Variants in PRKCE observed in about 807,000 individuals in gnomAD.
The protein encoded by PRKCE is protein kinase C epsilon.
PRKCE carries 16 observed loss-of-function variants against 85.4 expected under a neutral mutation model. The ratio of observed to expected loss-of-function variants is 0.19; its 90% CI spans 0.13 to 0.28. The LOEUF (loss-of-function observed/expected upper bound fraction) is 0.28, where lower values mean the gene tolerates loss of function less well. Ranked by LOEUF, PRKCE falls within the 10% of genes least tolerant of loss-of-function variation. The probability of loss-of-function intolerance (pLI) is 1.00; values close to 1 mark genes in which losing one functional copy is unlikely to be tolerated. For synonymous variants in PRKCE, 388 were observed against 371.5 expected (o/e 1.04, Z -0.51); for missense variants, 573 against 975.2 (o/e 0.59, Z 5.49).
intron 1 of PRKCE, among the ~76,000 whole-genome samples, chr2:45,718,530 G>T (rs1056827329): frequency 6.6e-6 from 1 of 151,908 alleles, no homozygotes; most frequent in African/African-American, 2.4e-5. Context: ...TTTTTGTAGA[G>T]ATGGAGTCTC....
intron 1 of PRKCE, among the ~76,000 whole-genome samples, chr2:45,762,946 T>TTCTTC (rs1430228095): frequency 3.9e-5 from 5 of 127,996 alleles, no homozygotes; most frequent in Admixed American, 8.8e-5. Flanking sequence ...TTCTTTTCTT[T>TTCTTC]TCTTTTCTTC....
intron 1 of PRKCE, among the ~76,000 whole-genome samples, chr2:45,816,304 AG>A (rs1276199474): frequency 2.0e-5 from 3 of 152,050 alleles, no homozygotes; most frequent in African/African-American, 7.2e-5. Flanking sequence ...CTAGATGACC[AG>A]GCTGAATGAT....
rs116573733 is a variant in PRKCE at position 46,131,790 on chromosome 2, C to G, written c.1593-13303C>G. Among the ~76,000 whole-genome samples, 734 of 152,320 alleles carry G rather than the reference C, an allele frequency of 4.8e-3. 4 individuals carry two copies. Among genetic ancestry groups the G allele is most frequent in the Non-Finnish European group, 8.3e-3 (564 of 68,020 alleles). On this transcript the variant is annotated intron_variant, in intron 11 of 14. Coordinates refer to ENST00000306156, the MANE Select transcript of PRKCE (RefSeq NM_005400.3). ...AAGGGCATGTCTCCCAGTGTCACTCCAAGAGTTATTGCTTGCTTTCTTTTT... is the reference window on the plus strand; with the variant it reads ...AAGGGCATGTCTCCCAGTGTCACTCGAAGAGTTATTGCTTGCTTTCTTTTT...
intron 2 of PRKCE, among the ~76,000 whole-genome samples, chr2:45,887,559 C>A (rs1695393697): frequency 6.6e-6 from 1 of 152,032 alleles, no homozygotes; most frequent in African/African-American, 2.4e-5. Context: ...AAAGCTGTTG[C>A]CACTCCTACA....
upstream of PRKCE, chr2:45,651,369 C>G (rs558553528): frequency 6.6e-5 from 10 of 151,350 alleles, no homozygotes; most frequent in South Asian, 1.2e-3. Flanking sequence ...TCCGAGCCCG[C>G]GCGGATGTGA....
At chr2:46,129,519 C>T (rs1389459283) in intron 11 of PRKCE, among the ~76,000 whole-genome samples, 1 of 152,208 alleles carries the variant, frequency 6.6e-6, no homozygotes, top group African/African-American at 2.4e-5. Flanking sequence ...AAGAACAGCG[C>T]ATGTCACGTG....
chr2:46,019,715 A>T (rs964671899), intron 10 of PRKCE, among the ~76,000 whole-genome samples: 8 of 152,078 alleles, frequency 5.3e-5, no homozygotes, highest in Admixed American at 4.6e-4. Context: ...GTTTCTAAGA[A>T]CTTACCAATG....
At chr2:45,741,751 C>G (rs566911132) in intron 1 of PRKCE, among the ~76,000 whole-genome samples, 2 of 151,424 alleles carry the variant, frequency 1.3e-5, no homozygotes, top group African/African-American at 4.9e-5. Flanking sequence ...ACAGCCTGTG[C>G]TGGATTACCC....
At chr2:45,799,508 A>T (rs183265966) in intron 1 of PRKCE, among the ~76,000 whole-genome samples, 243 of 152,330 alleles carry the variant, frequency 1.6e-3, no homozygotes, top group African/African-American at 5.7e-3. Context: ...CACGATGATC[A>T]TGACTGTGAA....
chr2:46,048,659 A>C (rs1490775934), intron 10 of PRKCE, among the ~76,000 whole-genome samples: 1 of 151,736 alleles, frequency 6.6e-6, no homozygotes. Flanking sequence ...GAAGTGATCT[A>C]CTCTGCTTAT....
intron 1 of PRKCE, among the ~76,000 whole-genome samples, chr2:45,812,274 T>A (rs751339438): frequency 9.9e-5 from 15 of 152,228 alleles, no homozygotes; most frequent in Non-Finnish European, 2.1e-4. Context: ...ATGTAAGGGA[T>A]TATTATGGCC....
chr2:45,828,384 A>G (rs1189163680), intron 1 of PRKCE, among the ~76,000 whole-genome samples: 1 of 152,224 alleles, frequency 6.6e-6, no homozygotes, highest in Non-Finnish European at 1.5e-5. Flanking sequence ...TGGGCAACAG[A>G]GCGAGACTCC....
intron 2 of PRKCE, among the ~76,000 whole-genome samples, chr2:45,915,913 G>A (rs1388389816): frequency 2.0e-5 from 3 of 152,136 alleles, no homozygotes; most frequent in African/African-American, 4.8e-5. Context: ...GAGAGAAATC[G>A]GGGTATCTCT....
chr2:45,948,648 T>A (rs965314820), intron 2 of PRKCE, among the ~76,000 whole-genome samples: 19 of 151,698 alleles, frequency 1.3e-4, no homozygotes, highest in East Asian at 1.9e-4. Flanking sequence ...CTTAAAAAAA[T>A]TTTTTTTTCA....
intron 1 of PRKCE, chr2:45,675,447 T>G (rs756587290): frequency 2.6e-5 from 4 of 152,260 alleles, no homozygotes; most frequent in Non-Finnish European, 5.9e-5. Context: ...TATACATAAA[T>G]GCACTGTCAT....
intron 14 of PRKCE, among the ~76,000 whole-genome samples, chr2:46,166,508 C>T (rs1052790054): frequency 1.3e-5 from 2 of 152,182 alleles, no homozygotes; most frequent in Admixed American, 1.3e-4. Flanking sequence ...GTGGTTGACC[C>T]AGCGGGTGGC....
At chr2:45,926,445 A>G (rs1354900798) in intron 2 of PRKCE, among the ~76,000 whole-genome samples, 1 of 152,084 alleles carries the variant, frequency 6.6e-6, no homozygotes, top group Non-Finnish European at 1.5e-5. Context: ...ATCTTTTGTT[A>G]TGGTGGTGGT....
At chr2:46,148,272 T>A (rs908044536) in intron 12 of PRKCE, among the ~76,000 whole-genome samples, 3 of 152,230 alleles carry the variant, frequency 2.0e-5, no homozygotes, top group Non-Finnish European at 1.5e-5. Flanking sequence ...TCCAGGTGAC[T>A]TCCCGTGACA....
At chr2:46,035,143 G>C (rs1489749923) in intron 10 of PRKCE, among the ~76,000 whole-genome samples, 2 of 152,216 alleles carry the variant, frequency 1.3e-5, no homozygotes, top group Non-Finnish European at 1.5e-5. Context: ...TTGATGTCAG[G>C]GCTTTCAAGC....
Sources: allele counts gnomAD v4.1 joint callset (sites outside exome capture counted in the v4.1 genomes callset), GRCh38; gene constraint gnomAD v4.1.1; transcripts MANE v1.5; gene names NCBI Gene and HGNC (gene_info 2026-07-23, HGNC 2026-07-21).